Variants in SLC1A3 observed in about 807,000 individuals in gnomAD.
SLC1A3 encodes the protein excitatory amino acid transporter 1.
In SLC1A3, 21 loss-of-function variants were observed where a neutral mutation model predicts 48.1. The observed-to-expected ratio is 0.44, with a 90% confidence interval of 0.31 to 0.63. The LOEUF (loss-of-function observed/expected upper bound fraction) is 0.63. Among genes scored for constraint, SLC1A3 ranks in the 20% least tolerant of loss-of-function variants. The pLI, the probability that SLC1A3 is intolerant of heterozygous loss-of-function variation, is 0.08. For synonymous variants in SLC1A3, 239 were observed against 251.4 expected (o/e 0.95, Z 0.47); for missense variants, 546 against 689.0 (o/e 0.79, Z 2.32).
chr5:36,658,587 G>A (rs540763622), intron 3 of SLC1A3, among the ~76,000 whole-genome samples: 1 of 152,312 alleles, frequency 6.6e-6, no homozygotes, highest in South Asian at 2.1e-4. Flanking sequence ...AAAGGAATGA[G>A]ATTTTAGATT....
At chr5:36,611,835 C>CT (rs1739211933) in intron 2 of SLC1A3, among the ~76,000 whole-genome samples, 1 of 4,036 alleles carries the variant, frequency 2.5e-4, no homozygotes. Context: ...AAGGAAAAGT[C>CT]TTTGTCATGT....
intron 3 of SLC1A3, among the ~76,000 whole-genome samples, chr5:36,652,905 A>T (rs1394247713): frequency 6.6e-6 from 1 of 152,230 alleles, no homozygotes; most frequent in Non-Finnish European, 1.5e-5. Flanking sequence ...GCTTTGGGTG[A>T]GGGTACAATA....
At chr5:36,638,123 C>T (rs373993076) in intron 3 of SLC1A3, among the ~76,000 whole-genome samples, 3 of 152,212 alleles carry the variant, frequency 2.0e-5, no homozygotes, top group African/African-American at 2.4e-5. Flanking sequence ...AATACAGGGT[C>T]GCAGAGGTGT....
chr5:36,612,085 G>A (rs369969316), intron 2 of SLC1A3, among the ~76,000 whole-genome samples: 10 of 147,860 alleles, frequency 6.8e-5, no homozygotes, highest in Admixed American at 2.0e-4. Flanking sequence ...ACACACACAC[G>A]CACACACACA....
intron 1 of SLC1A3, among the ~76,000 whole-genome samples, chr5:36,597,457 C>T (rs928019736): frequency 6.6e-6 from 1 of 151,704 alleles, no homozygotes; most frequent in South Asian, 2.1e-4. Flanking sequence ...TTAGCCAGGA[C>T]GGTCTCGATC....
chr5:36,676,860 C>A, intron 5 of SLC1A3, 32 bp from the exon 6 acceptor site: 1 of 1,546,920 alleles, frequency 6.5e-7, no homozygotes, highest in Non-Finnish European at 8.8e-7. Context: ...TAAAAATCAC[C>A]TTTAATCCTC....
intron 6 of SLC1A3, among the ~76,000 whole-genome samples, chr5:36,678,388 C>T (rs1346922938): frequency 2.0e-5 from 3 of 152,202 alleles, no homozygotes; most frequent in Non-Finnish European, 2.9e-5. Context: ...TAAATGCCTC[C>T]ACCTTTCACC....
chr5:36,667,791 A>C (rs910325180), intron 3 of SLC1A3: 1 of 152,226 alleles, frequency 6.6e-6, no homozygotes, highest in Non-Finnish European at 1.5e-5. Flanking sequence ...AGTACAATAC[A>C]GTATTTCTTT....
intron 3 of SLC1A3, among the ~76,000 whole-genome samples, chr5:36,649,026 A>T (rs1740947245): frequency 6.6e-6 from 1 of 152,170 alleles, no homozygotes; most frequent in South Asian, 2.1e-4. Flanking sequence ...GAATGAATGT[A>T]TCTGATTGAC....
At chr5:36,685,589 T>C (rs1485798786) in intron 9 of SLC1A3, among the ~76,000 whole-genome samples, 1 of 152,168 alleles carries the variant, frequency 6.6e-6, no homozygotes, top group East Asian at 1.9e-4. Flanking sequence ...ACCCCAATAT[T>C]TAGTGAAAAG....
intron 6 of SLC1A3, among the ~76,000 whole-genome samples, chr5:36,677,638 G>A (rs996149960): frequency 2.6e-5 from 4 of 152,220 alleles, no homozygotes; most frequent in African/African-American, 9.6e-5. Flanking sequence ...AGTCACAGGT[G>A]CTGTGGAAAA....
At chr5:36,605,871 A>T (rs1199131567), upstream of SLC1A3, among the ~76,000 whole-genome samples, 2 of 152,198 alleles carry the variant, frequency 1.3e-5, no homozygotes, top group African/African-American at 4.8e-5. Flanking sequence ...TTTAAAATGG[A>T]GACATCTGAA....
intron 8 of SLC1A3, among the ~76,000 whole-genome samples, chr5:36,683,450 G>A (rs1051347721): frequency 5.9e-5 from 9 of 151,542 alleles, no homozygotes; most frequent in African/African-American, 1.7e-4. Flanking sequence ...GGCTCATGCC[G>A]GTAATCCCAG....
At chr5:36,645,836 T>C (rs745369957) in intron 3 of SLC1A3, among the ~76,000 whole-genome samples, 23 of 152,232 alleles carry the variant, frequency 1.5e-4, no homozygotes, top group Non-Finnish European at 3.1e-4. Context: ...TTAGGGTTAA[T>C]GTTTTCTTCT....
At chr5:36,652,563 T>C (rs1273037375) in intron 3 of SLC1A3, among the ~76,000 whole-genome samples, 1 of 152,144 alleles carries the variant, frequency 6.6e-6, no homozygotes. Flanking sequence ...GGTGTACAGT[T>C]ACAGACACAA....
At chr5:36,684,363 G>A (rs1233705776) in intron 9 of SLC1A3, among the ~76,000 whole-genome samples, 6 of 152,222 alleles carry the variant, frequency 3.9e-5, no homozygotes, top group Non-Finnish European at 2.9e-5. Flanking sequence ...GGCCCCACAT[G>A]CCAGCTTAGG....
rs151313333 is a variant in SLC1A3, at chr5:36,613,048, A to G, written c.181+4444A>G. On this transcript the variant is annotated intron_variant, in intron 2 of 9. Coordinates refer to ENST00000265113, the MANE Select transcript of SLC1A3 (RefSeq NM_004172.5). ...GTGGCAGAGTGGCTGATGATGCCAC[A>G]TTTGAAGGTAGGATACAGGAGAAAG... is the stretch of plus-strand genomic sequence containing the variant. 951 of 342,740 alleles carry G rather than the reference A, an allele frequency of 2.8e-3. 2 individuals are homozygous for G. Among genetic ancestry groups the G allele is most frequent in the Non-Finnish European group, 3.7e-3 (638 of 172,138 alleles). 21.2% of individuals were successfully genotyped at this position (342,740 alleles called of 1,614,324 possible). A position where few individuals can be genotyped will look rare whatever the true frequency, so the allele number is the denominator to read the frequency against.
intron 3 of SLC1A3, chr5:36,649,419 T>G (rs1740969857): frequency 1.3e-5 from 2 of 151,570 alleles, no homozygotes; most frequent in Admixed American, 1.3e-4. Context: ...AAAGGGACAA[T>G]TGGCATAAAT....
At chr5:36,612,504 A>T (rs1380057341) in intron 2 of SLC1A3, among the ~76,000 whole-genome samples, 1 of 151,890 alleles carries the variant, frequency 6.6e-6, no homozygotes, top group East Asian at 1.9e-4. Flanking sequence ...GAGGAGGATC[A>T]CTTAAGCCCA....
Sources: allele counts gnomAD v4.1 joint callset (sites outside exome capture counted in the v4.1 genomes callset), GRCh38; gene constraint gnomAD v4.1.1; transcripts MANE v1.5; gene names NCBI Gene and HGNC (gene_info 2026-07-23, HGNC 2026-07-21).